Variants in HS1BP3 observed in about 807,000 individuals in gnomAD.
HS1BP3 encodes HCLS1 binding protein 3, also known as HCLS1-binding protein 3.
A neutral mutation model predicts 33.5 loss-of-function variants in HS1BP3; 32 were observed. That is an observed-to-expected ratio of 0.95 (90% CI 0.72 to 1.28). The LOEUF (loss-of-function observed/expected upper bound fraction) is 1.28. HS1BP3 is among the 50% of genes most tolerant of loss of function. The pLI, the probability that HS1BP3 is intolerant of heterozygous loss-of-function variation, is 0.00. For missense variants in HS1BP3, 486 were observed against 502.3 expected (o/e 0.97, Z 0.31); for synonymous variants, 187 against 209.2 (o/e 0.89, Z 0.92).
At chr2:20,643,122 A>G (rs561268782) in intron 2 of HS1BP3, among the ~76,000 whole-genome samples, 3 of 152,220 alleles carry the variant, frequency 2.0e-5, no homozygotes, top group Non-Finnish European at 4.4e-5. Context: ...CCATCCTGAG[A>G]TCCCATGGGG....
rs11544153 is a variant in HS1BP3 at position 20,617,950 on chromosome 2, G to A, written c.*1037C>T. 0.025 allele frequency: 3,767 copies of A among 152,768 alleles called. 54 individuals are homozygous for A. The highest frequency in any genetic ancestry group is 0.035 in the Non-Finnish European group (2,392 of 68,118). 9.5% of individuals were successfully genotyped at this position (152,768 alleles called of 1,614,324 possible). A position where few individuals can be genotyped will look rare whatever the true frequency, so the allele number is the denominator to read the frequency against. ...AGGCACGGGCCCTGCCCTGGCGCAC[G>A]GCTCCTTCTCCCTGGGAAGGCAGCT... On this transcript the variant is annotated 3_prime_UTR_variant, in exon 7 of 7. Coordinates refer to ENST00000304031, the MANE Select transcript of HS1BP3 (RefSeq NM_022460.4).
intron 5 of HS1BP3, 52 bp from the exon 6 acceptor site, chr2:20,624,083 C>A: frequency 6.3e-7 from 1 of 1,591,662 alleles, no homozygotes; most frequent in Non-Finnish European, 8.5e-7. Flanking sequence ...GGCTGGGATG[C>A]CATGGCTGCT....
chr2:20,555,835 C>T (rs1692828476), downstream of HS1BP3, among the ~76,000 whole-genome samples: 1 of 152,126 alleles, frequency 6.6e-6, no homozygotes, highest in South Asian at 2.1e-4. Flanking sequence ...TTAGAAACTC[C>T]CAGACACACC....
At chr2:20,566,913 A>G (rs1693143176) in intron 5 of HS1BP3, among the ~76,000 whole-genome samples, 1 of 151,964 alleles carries the variant, frequency 6.6e-6, no homozygotes, top group African/African-American at 2.4e-5. Flanking sequence ...GGCCCCCCAC[A>G]GGTTCTCTTT....
At chr2:20,594,093 G>T (rs1693889932) in intron 3 of HS1BP3, among the ~76,000 whole-genome samples, 1 of 152,240 alleles carries the variant, frequency 6.6e-6, no homozygotes, top group Non-Finnish European at 1.5e-5. Context: ...ATCGGGGATG[G>T]CTACAATAGC....
At chr2:20,588,605 AG>A (rs1693738237), downstream of HS1BP3, among the ~76,000 whole-genome samples, 1 of 152,146 alleles carries the variant, frequency 6.6e-6, no homozygotes, top group Non-Finnish European at 1.5e-5. Flanking sequence ...GGGGTTACAC[AG>A]GTGAACCACC....
intron 6 of HS1BP3, among the ~76,000 whole-genome samples, chr2:20,621,595 G>T (rs972542810): frequency 3.3e-5 from 5 of 152,246 alleles, no homozygotes; most frequent in African/African-American, 1.2e-4. Flanking sequence ...GCATGATGCA[G>T]CCTCCATTGA....
rs778746872 is a variant in HS1BP3 at position 20,645,412 on chromosome 2, C to A, written c.126G>T (p.Gln42His). The change falls in exon 2 of 7, where the codon CAG becomes CAT. Residue 42 changes from glutamine to histidine, a missense_variant. Coordinates refer to ENST00000304031, the MANE Select transcript of HS1BP3 (RefSeq NM_022460.4). ...CAGCCAGACGGGTCACCACCAGGAT[C>A]TGGTACTCCACGTGTCCAGACATCA... ...GKMMSGHVEY[Q>H]ILVVTRLAAF... The A allele has an allele frequency of 6.2e-7, 1 of 1,614,186 alleles. No homozygotes were observed. The highest frequency in any genetic ancestry group is 1.7e-5 in the Admixed American group (1 of 60,018).
Position 20,582,624 on chromosome 2 carries a change from C to T in HS1BP3, c.303-22109G>A, listed in dbSNP as rs536154266. The stretch of plus-strand genomic sequence containing the variant: ...CCTTTCTCTGCACCCCCATCCTTGG[C>T]ATCAGGGGACCCCACCCACCCTCTT... On this transcript the variant is annotated intron_variant, in intron 5 of 5. Coordinates refer to the HS1BP3 transcript ENST00000446825. Among the ~76,000 whole-genome samples, 475 of 152,252 alleles carry T rather than the reference C, an allele frequency of 3.1e-3. 3 individuals carry two copies. The highest frequency in any genetic ancestry group is 0.01 in the Middle Eastern group (3 of 294).
chr2:20,586,724 A>G (rs1693692960), intron 5 of HS1BP3: 1 of 152,266 alleles, frequency 6.6e-6, no homozygotes, highest in Non-Finnish European at 1.5e-5. Flanking sequence ...GACAACATAC[A>G]GAGAGCTCAT....
At chr2:20,593,300 T>C (rs947757772) in intron 3 of HS1BP3, among the ~76,000 whole-genome samples, 1 of 152,278 alleles carries the variant, frequency 6.6e-6, no homozygotes, top group South Asian at 2.1e-4. Flanking sequence ...TTACCACTCA[T>C]CACCATCACA....
At chr2:20,588,682 C>T (rs1157750162), downstream of HS1BP3, among the ~76,000 whole-genome samples, 1 of 152,246 alleles carries the variant, frequency 6.6e-6, no homozygotes, top group Non-Finnish European at 1.5e-5. Flanking sequence ...TCAGCTCCCT[C>T]CTGGGAGCAC....
chr2:20,567,529 C>T (rs899569882), intron 5 of HS1BP3, among the ~76,000 whole-genome samples: 2 of 14,072 alleles, frequency 1.4e-4, no homozygotes, highest in African/African-American at 6.4e-4. Context: ...GTGGTGCTGG[C>T]AGCCAAACAA....
Position 20,618,699 on chromosome 2 carries a change from G to T in HS1BP3, c.*288C>A, listed in dbSNP as rs1694495963. The T allele has an allele frequency of 8.1e-7, 1 of 1,227,648 alleles. No homozygotes were observed. The highest frequency in any genetic ancestry group is 1.5e-5 in the African/African-American group (1 of 65,534). 76.0% of individuals were successfully genotyped at this position (1,227,648 alleles called of 1,614,324 possible). A position where few individuals can be genotyped will look rare whatever the true frequency, so the allele number is the denominator to read the frequency against. ...CTTCATCCTTGGGGCTGGGCTTCTG[G>T]TTGGCAAGGCATCCCCACACCCTCC... On this transcript the variant is annotated 3_prime_UTR_variant, in exon 7 of 7. Transcript: ENST00000304031.
intron 2 of HS1BP3, among the ~76,000 whole-genome samples, chr2:20,604,665 G>C (rs1347322584): frequency 6.6e-6 from 1 of 152,230 alleles, no homozygotes; most frequent in African/African-American, 2.4e-5. Context: ...AGGTGGCTTA[G>C]AGAGTGAGCA....
At chr2:20,600,415 G>T (rs1694046690) in intron 2 of HS1BP3, among the ~76,000 whole-genome samples, 1 of 152,184 alleles carries the variant, frequency 6.6e-6, no homozygotes, top group South Asian at 2.1e-4. Flanking sequence ...CCTAGCAGGA[G>T]ATGTATCATG....
intron 2 of HS1BP3, among the ~76,000 whole-genome samples, chr2:20,612,339 C>T (rs991417591): frequency 2.0e-5 from 3 of 152,094 alleles, no homozygotes; most frequent in Admixed American, 6.5e-5. Context: ...ATTTATATAC[C>T]GTAAACATCA....
chr2:20,582,690 G>T (rs1181453956), intron 5 of HS1BP3, among the ~76,000 whole-genome samples: 1 of 152,096 alleles, frequency 6.6e-6, no homozygotes, highest in African/African-American at 2.4e-5. Context: ...TCAGCTAAGG[G>T]GCAGCTGGGA....
rs1258384529 is a variant in HS1BP3, at chr2:20,611,847, A to G, written c.178+12049T>C. ...GCGTGGGGTTCAGAGAAGCTGAGAG[A>G]TGGCAGAGGGTGGCACAGCCTCCTC... On this transcript the variant is annotated intron_variant, in intron 2 of 3. Coordinates refer to the HS1BP3 transcript ENST00000415264. The surrounding 1 kb of genome is among the most constrained non-coding windows in gnomAD (Gnocchi z 4.9). Among the ~76,000 whole-genome samples, 1 of 152,158 alleles carries G rather than the reference A, an allele frequency of 6.6e-6. No homozygotes were observed. The highest frequency in any genetic ancestry group is 2.4e-5 in the African/African-American group (1 of 41,440).
Sources: gnomAD v4.1 joint callset for allele counts (sites outside exome capture counted in the v4.1 genomes callset) on GRCh38, gnomAD v4.1.1 for gene constraint, Gnocchi (gnomAD v3.1) non-coding constraint, MANE v1.5 for transcripts, NCBI Gene and HGNC (gene_info 2026-07-23, HGNC 2026-07-21) for gene names.